Variants in CCSER1 observed in about 807,000 individuals in gnomAD.
The protein encoded by CCSER1 is serine-rich coiled-coil domain-containing protein 1.
Under a neutral mutation model 82.0 loss-of-function variants are expected in CCSER1, and 41 were observed. The observed-to-expected ratio is 0.50, with a 90% confidence interval of 0.39 to 0.65. The LOEUF (loss-of-function observed/expected upper bound fraction) is 0.65. Among genes scored for constraint, CCSER1 ranks in the 30% least tolerant of loss-of-function variants. The probability of loss-of-function intolerance (pLI) is 0.00; values close to 1 mark genes in which losing one functional copy is unlikely to be tolerated. For synonymous variants in CCSER1, 414 were observed against 383.9 expected, an observed-to-expected ratio of 1.08 and a Z score of -0.92; for missense variants, 1,119 against 1,064.2, an observed-to-expected ratio of 1.05 and a Z score of -0.72.
At chr4:90,845,595 C>A (rs1177566482) in intron 8 of CCSER1, among the ~76,000 whole-genome samples, 2 of 151,986 alleles carry the variant, frequency 1.3e-5, no homozygotes, top group African/African-American at 4.8e-5. Flanking sequence ...GACAGAGGAA[C>A]TGTGGTAGAG....
At chr4:90,955,375 T>C (rs1476341553) in intron 9 of CCSER1, among the ~76,000 whole-genome samples, 2 of 152,130 alleles carry the variant, frequency 1.3e-5, no homozygotes, top group Non-Finnish European at 2.9e-5. Flanking sequence ...AAGCATTAGC[T>C]CACAAAAATA....
At chr4:91,097,539 G>A (rs2148841772) in intron 10 of CCSER1, among the ~76,000 whole-genome samples, 1 of 152,292 alleles carries the variant, frequency 6.6e-6, no homozygotes, top group East Asian at 1.9e-4. Flanking sequence ...ATTTTAGATA[G>A]TTTATACTCT....
intron 9 of CCSER1, among the ~76,000 whole-genome samples, chr4:91,008,194 C>T (rs1197535744): frequency 6.6e-6 from 1 of 152,116 alleles, no homozygotes; most frequent in East Asian, 1.9e-4. Flanking sequence ...GAGGAATATT[C>T]TGATATATCC....
intron 10 of CCSER1, among the ~76,000 whole-genome samples, chr4:91,405,221 TG>T (rs916254946): frequency 3.4e-5 from 4 of 117,224 alleles, no homozygotes; most frequent in African/African-American, 1.2e-4. Context: ...TTGCAACCCC[TG>T]GTTTTTTTTT....
intron 9 of CCSER1, among the ~76,000 whole-genome samples, chr4:90,992,089 G>A (rs1019596788): frequency 6.6e-6 from 1 of 151,996 alleles, no homozygotes; most frequent in Non-Finnish European, 1.5e-5. Context: ...TTTTACTTTG[G>A]TAAATTGCTA....
At chr4:90,539,436 T>G (rs534119975) in intron 5 of CCSER1, among the ~76,000 whole-genome samples, 1 of 152,216 alleles carries the variant, frequency 6.6e-6, no homozygotes, top group East Asian at 1.9e-4. Context: ...CTTTAGTGAC[T>G]TTTTTATGTG....
intron 10 of CCSER1, among the ~76,000 whole-genome samples, chr4:91,161,396 G>C (rs1731382369): frequency 6.6e-6 from 1 of 152,142 alleles, no homozygotes; most frequent in Middle Eastern, 3.4e-3. Context: ...GCTCTTTTTT[G>C]GTTCCATATG....
chr4:91,163,670 C>A (rs191556255), intron 10 of CCSER1, among the ~76,000 whole-genome samples: 3 of 152,278 alleles, frequency 2.0e-5, no homozygotes, highest in East Asian at 1.9e-4. Flanking sequence ...GAATTGATTC[C>A]TTTACCCTTA....
intron 10 of CCSER1, chr4:91,325,022 G>A: frequency 2.7e-6 from 1 of 372,716 alleles, no homozygotes; most frequent in Non-Finnish European, 5.2e-6. Context: ...TCTAGTGATA[G>A]TGAATGGAAA....
chr4:90,917,108 A>G (rs1407092542), intron 8 of CCSER1, among the ~76,000 whole-genome samples: 2 of 152,116 alleles, frequency 1.3e-5, no homozygotes, highest in Non-Finnish European at 1.5e-5. Context: ...TCTGTGTGGC[A>G]ATTCCTCAGG....
At chr4:90,961,328 C>T (rs1267400902) in intron 9 of CCSER1, among the ~76,000 whole-genome samples, 1 of 152,034 alleles carries the variant, frequency 6.6e-6, no homozygotes, top group African/African-American at 2.4e-5. Flanking sequence ...AGGTAAAATC[C>T]TTAAATATAT....
chr4:90,322,571 A>G (rs902598803), intron 3 of CCSER1, among the ~76,000 whole-genome samples: 3 of 152,144 alleles, frequency 2.0e-5, no homozygotes, highest in Non-Finnish European at 4.4e-5. Flanking sequence ...TGCTTAGGTA[A>G]GTGTGGATAT....
At chr4:90,555,288 C>T (rs1371312004) in intron 5 of CCSER1, among the ~76,000 whole-genome samples, 1 of 151,882 alleles carries the variant, frequency 6.6e-6, no homozygotes, top group Non-Finnish European at 1.5e-5. Context: ...AGTTAGAAAA[C>T]CCAGTAGTAG....
At chr4:90,660,541 T>G (rs1236680615) in intron 6 of CCSER1, among the ~76,000 whole-genome samples, 2 of 152,134 alleles carry the variant, frequency 1.3e-5, no homozygotes, top group Non-Finnish European at 2.9e-5. Context: ...CTAATATTTA[T>G]ATAGCCATAT....
chr4:90,323,550 G>A (rs2153488984), intron 3 of CCSER1, among the ~76,000 whole-genome samples: 1 of 152,280 alleles, frequency 6.6e-6, no homozygotes, highest in East Asian at 1.9e-4. Context: ...CCAATGCAAA[G>A]CCTCACAATC....
intron 5 of CCSER1, among the ~76,000 whole-genome samples, chr4:90,495,194 G>A (rs964909230): frequency 6.6e-6 from 1 of 152,006 alleles, no homozygotes; most frequent in Non-Finnish European, 1.5e-5. Flanking sequence ...TAGAGAATTG[G>A]ATTCTATATT....
intron 9 of CCSER1, among the ~76,000 whole-genome samples, chr4:90,972,608 A>G (rs1028442171): frequency 1.3e-5 from 2 of 151,700 alleles, no homozygotes; most frequent in Admixed American, 1.3e-4. Context: ...CAAGGTGATA[A>G]AATTCAACTC....
At chr4:90,128,918 T>TA (rs748046667) in intron 1 of CCSER1, among the ~76,000 whole-genome samples, 116 of 147,806 alleles carry the variant, frequency 7.8e-4, no homozygotes, top group East Asian at 9.9e-4. Context: ...TGAAATGAAG[T>TA]AAAAAAAAAA....
intron 9 of CCSER1, among the ~76,000 whole-genome samples, chr4:91,063,783 C>T (rs553389756): frequency 2.6e-5 from 4 of 152,174 alleles, no homozygotes; most frequent in East Asian, 1.9e-4. Context: ...AGCTATATTT[C>T]GCACAATTGA....
Sources: gnomAD v4.1 joint callset for allele counts (sites outside exome capture counted in the v4.1 genomes callset) on GRCh38, gnomAD v4.1.1 for gene constraint, MANE v1.5 for transcripts, NCBI Gene and HGNC (gene_info 2026-07-23, HGNC 2026-07-21) for gene names.